ADRA1B: variants seen among roughly 807,000 people sequenced by gnomAD.
The protein encoded by ADRA1B is alpha-1B adrenergic receptor.
A neutral mutation model predicts 17.9 loss-of-function variants in ADRA1B; 17 were observed. The ratio of observed to expected loss-of-function variants is 0.95; its 90% CI spans 0.65 to 1.42. The LOEUF is 1.42. ADRA1B is among the 40% of genes most tolerant of loss of function. The pLI, the probability that ADRA1B is intolerant of heterozygous loss-of-function variation, is 0.00. For synonymous variants in ADRA1B, 366 were observed against 327.6 expected (o/e 1.12, Z -1.27); for missense variants, 681 against 722.1 (o/e 0.94, Z 0.65).
intron 1 of ADRA1B, among the ~76,000 whole-genome samples, chr5:159,900,266 A>G (rs143407775): frequency 4.1e-4 from 62 of 152,354 alleles, no homozygotes; most frequent in African/African-American, 1.3e-3. Context: ...AATTCCCTCC[A>G]AATTCCAGTG....
At chr5:159,988,827 A>C in the ADRA1B span, among the ~76,000 whole-genome samples, 1 of 152,216 alleles carries the variant, frequency 6.6e-6, no homozygotes, top group African/African-American at 2.4e-5. Flanking sequence ...AAAAATTTTA[A>C]AAATTAGCCA....
At chr5:159,949,083 A>G (rs1169711420) in intron 1 of ADRA1B, among the ~76,000 whole-genome samples, 2 of 152,206 alleles carry the variant, frequency 1.3e-5, no homozygotes, top group Admixed American at 1.3e-4. Context: ...ACTAAGACAA[A>G]TTCTTAAAAT....
chr5:159,978,526 T>C, the ADRA1B span, among the ~76,000 whole-genome samples: 1 of 152,190 alleles, frequency 6.6e-6, no homozygotes, highest in East Asian at 1.9e-4. Flanking sequence ...GCTCAGCCCC[T>C]AAGTCCCTGG....
intron 1 of ADRA1B, among the ~76,000 whole-genome samples, chr5:159,934,263 T>C (rs879314207): frequency 2.0e-5 from 3 of 152,174 alleles, no homozygotes; most frequent in East Asian, 3.9e-4. Context: ...AACCAGCAAC[T>C]AGGACAAGGC....
At chr5:159,866,295 GA>G (rs34220518) in intron 1 of ADRA1B, among the ~76,000 whole-genome samples, 423 of 90,206 alleles carry the variant, frequency 4.7e-3, no homozygotes, top group East Asian at 0.018. Flanking sequence ...AACATAGTGA[GA>G]AAAAAAAAAA....
intron 1 of ADRA1B, among the ~76,000 whole-genome samples, chr5:159,924,573 A>G (rs1015002571): frequency 6.6e-6 from 1 of 152,060 alleles, no homozygotes; most frequent in Non-Finnish European, 1.5e-5. Context: ...GGAGGGGAAG[A>G]ATGATGTGTG....
At chr5:159,969,061 C>A (rs1002063949) in intron 1 of ADRA1B, among the ~76,000 whole-genome samples, 5 of 152,320 alleles carry the variant, frequency 3.3e-5, no homozygotes, top group Non-Finnish European at 7.3e-5. Flanking sequence ...GAGTCTTAAT[C>A]CAAAAGAGTA....
At position 159,964,539 on chromosome 5, in the gene ADRA1B, G is replaced by A. The variant is rs1429695196; in HGVS notation, c.950-7340G>A. Among the ~76,000 whole-genome samples, 7 of 152,204 alleles carry A rather than the reference G, an allele frequency of 4.6e-5. No homozygotes were observed. In the East Asian group the frequency reaches 1.3e-3, roughly 29 times the overall value. On this transcript the variant is annotated intron_variant, in intron 1 of 1. Transcript: ENST00000306675. ...CGCAAAGAAAAGCGCTAAGTAAATG[G>A]TGGTCCAGGTGGCAGAATGATGAAT...
At chr5:159,945,764 T>C (rs78006703) in intron 1 of ADRA1B, among the ~76,000 whole-genome samples, 4 of 151,740 alleles carry the variant, frequency 2.6e-5, no homozygotes, top group Admixed American at 2.0e-4. Flanking sequence ...TTTTTTTTTT[T>C]TGAGACGGAG....
chr5:159,891,877 C>T (rs1477413963), intron 1 of ADRA1B, among the ~76,000 whole-genome samples: 1 of 152,164 alleles, frequency 6.6e-6, no homozygotes, highest in African/African-American at 2.4e-5. Flanking sequence ...AGGAGTAACT[C>T]GCACCTGTCA....
intron 1 of ADRA1B, among the ~76,000 whole-genome samples, chr5:159,877,175 C>T (rs1349656554): frequency 3.3e-5 from 5 of 152,172 alleles, no homozygotes; most frequent in African/African-American, 7.2e-5. Context: ...TTCTCAGAGC[C>T]GTGCGCTCTG....
chr5:159,874,718 G>A (rs1324955416), intron 1 of ADRA1B, among the ~76,000 whole-genome samples: 1 of 152,184 alleles, frequency 6.6e-6, no homozygotes. Context: ...ACCTGTGTGG[G>A]TCATGCAGGG....
intron 1 of ADRA1B, among the ~76,000 whole-genome samples, chr5:159,891,464 T>C (rs2113104099): frequency 6.6e-6 from 1 of 152,162 alleles, no homozygotes; most frequent in South Asian, 2.1e-4. Flanking sequence ...ATGAGCAATC[T>C]GGTTGATGGG....
chr5:159,906,487 C>CA (rs1431933347), intron 1 of ADRA1B, among the ~76,000 whole-genome samples: 1 of 152,208 alleles, frequency 6.6e-6, no homozygotes, highest in East Asian at 1.9e-4. Context: ...GGGTTACTTA[C>CA]AAAAATATAA....
intron 1 of ADRA1B, among the ~76,000 whole-genome samples, chr5:159,905,493 T>C (rs1754153115): frequency 6.6e-6 from 1 of 152,262 alleles, no homozygotes; most frequent in South Asian, 2.1e-4. Context: ...GATCAAACTG[T>C]CCTTTTCATT....
intron 1 of ADRA1B, among the ~76,000 whole-genome samples, chr5:159,911,394 C>T (rs944744535): frequency 9.2e-5 from 14 of 152,170 alleles, no homozygotes; most frequent in South Asian, 4.1e-4. Flanking sequence ...TCGGATTCTC[C>T]GTCCGGCACC....
chr5:159,947,855 A>G, intron 1 of ADRA1B: 1 of 985,436 alleles, frequency 1.0e-6, no homozygotes, highest in Non-Finnish European at 1.2e-6. Context: ...AGGAGCCAGC[A>G]ATTAGCACAA....
intron 1 of ADRA1B, among the ~76,000 whole-genome samples, chr5:159,941,023 T>TG (rs1408541653): frequency 6.6e-6 from 1 of 152,244 alleles, no homozygotes; most frequent in African/African-American, 2.4e-5. Context: ...AACTTGGAGT[T>TG]GCAAGGTGCA....
At chr5:159,901,738 A>T (rs758861821) in intron 1 of ADRA1B, among the ~76,000 whole-genome samples, 2 of 152,196 alleles carry the variant, frequency 1.3e-5, no homozygotes, top group Non-Finnish European at 2.9e-5. Flanking sequence ...GCAAATGGCC[A>T]ACAAGCATAA....
Sources: gnomAD v4.1 joint callset for allele counts (sites outside exome capture counted in the v4.1 genomes callset) on GRCh38, gnomAD v4.1.1 for gene constraint, MANE v1.5 for transcripts, NCBI Gene and HGNC (gene_info 2026-07-23, HGNC 2026-07-21) for gene names.